The following TRIO variants were observed in gnomAD, a reference collection of about 807,000 sequenced individuals.
The protein encoded by TRIO is triple functional domain protein.
A neutral mutation model predicts 351.9 loss-of-function variants in TRIO; 58 were observed. The observed-to-expected ratio is 0.16, with a 90% CI of 0.13 to 0.21. The LOEUF (loss-of-function observed/expected upper bound fraction) is 0.21. Among genes scored for constraint, TRIO ranks in the 10% least tolerant of loss-of-function variants. The pLI, the probability that TRIO is intolerant of heterozygous loss-of-function variation, is 1.00. For missense variants in TRIO, 3,201 were observed against 4,027.8 expected, an observed-to-expected ratio of 0.79 and a Z score of 5.56; for synonymous variants, 1,758 against 1,595.7, an observed-to-expected ratio of 1.10 and a Z score of -2.42.
chr5:14,451,549 C>T (rs1466279435), intron 34 of TRIO, among the ~76,000 whole-genome samples: 2 of 152,234 alleles, frequency 1.3e-5, no homozygotes, highest in Admixed American at 6.5e-5. Flanking sequence ...GAAGAACTTC[C>T]TGAATAAAAA....
chr5:14,469,083 T>C (rs1461661122), intron 37 of TRIO, among the ~76,000 whole-genome samples: 1 of 151,920 alleles, frequency 6.6e-6, no homozygotes, highest in Non-Finnish European at 1.5e-5. Context: ...AATCAAAATA[T>C]AAAGGGAGAA....
chr5:14,369,415 A>G lies in TRIO; in HGVS notation c.3108A>G (p.Arg1036=), dbSNP rs139527871. 25 of 1,614,026 alleles carry G rather than the reference A, an allele frequency of 1.5e-5. No homozygotes were observed. In the East Asian group the frequency reaches 2.0e-4, roughly 13 times the overall value. The change falls in exon 18 of 57, where the codon AGA becomes AGG. Residue 1036 remains arginine, a synonymous_variant. Coordinates refer to ENST00000344204, the MANE Select transcript of TRIO (RefSeq NM_007118.4). ...VLESLEQEYK[R]EEDWCGGADK... ...AGAGCCTGGAACAGGAGTACAAGAG[A>G]GAAGAAGACTGGTGTGGCGGGGCGG...
intron 34 of TRIO, among the ~76,000 whole-genome samples, chr5:14,460,701 C>T (rs1470938873): frequency 6.6e-6 from 1 of 152,146 alleles, no homozygotes; most frequent in East Asian, 1.9e-4. Context: ...CCAATGTCCA[C>T]AGTATTTTAT....
chr5:14,484,338 A>G (rs1213406819), intron 46 of TRIO, among the ~76,000 whole-genome samples: 1 of 152,234 alleles, frequency 6.6e-6, no homozygotes, highest in Admixed American at 6.5e-5. Flanking sequence ...AAGTAAGGAT[A>G]AATACTGAGG....
chr5:14,391,226 A>G (rs969346495), intron 27 of TRIO, among the ~76,000 whole-genome samples: 3 of 152,174 alleles, frequency 2.0e-5, no homozygotes, highest in South Asian at 2.1e-4. Flanking sequence ...ATTGTAATAT[A>G]TAGATGTATG....
chr5:14,409,586 G>A (rs1379568368), intron 33 of TRIO, among the ~76,000 whole-genome samples: 1 of 152,056 alleles, frequency 6.6e-6, no homozygotes, highest in Non-Finnish European at 1.5e-5. Flanking sequence ...TGTAATCCCA[G>A]CACTTAGGGA....
Position 14,374,214 on chromosome 5 carries a change from T to C in TRIO, c.3217-15T>C. 1 of 1,609,164 alleles carries C rather than the reference T, an allele frequency of 6.2e-7. No individual in the cohort carries two copies. On this transcript the variant is annotated splice_polypyrimidine_tract_variant and intron_variant, in intron 18 of 56. Coordinates refer to ENST00000344204, the MANE Select transcript of TRIO (RefSeq NM_007118.4). ...AAGTCAAATTAGCAACACATTGCTC[T>C]CCATTGTTTTTTAGGCTTGCACCCT... is the stretch of plus-strand genomic sequence containing the variant.
chr5:14,481,196 T>C (rs377501845), intron 43 of TRIO, 38 bp from the exon 44 acceptor site: 42 of 1,593,082 alleles, frequency 2.6e-5, no homozygotes, highest in Non-Finnish European at 3.5e-5. Flanking sequence ...GCTGTTGTCT[T>C]TGTCACCATT....
chr5:14,359,593 C>G, intron 13 of TRIO, 62 bp downstream of exon 13: 1 of 1,574,338 alleles, frequency 6.4e-7, no homozygotes, highest in Non-Finnish European at 8.7e-7. Flanking sequence ...TCCACAGCAC[C>G]GGCGCCCTCT....
At chr5:14,449,205 C>T (rs541882773) in intron 34 of TRIO, among the ~76,000 whole-genome samples, 1 of 152,328 alleles carries the variant, frequency 6.6e-6, no homozygotes, top group African/African-American at 2.4e-5. Context: ...GCCTGGTTCA[C>T]CCCATCTCAC....
chr5:14,388,370 T>C (rs969129134), intron 23 of TRIO, among the ~76,000 whole-genome samples: 1 of 152,204 alleles, frequency 6.6e-6, no homozygotes, highest in Admixed American at 6.5e-5. Context: ...TGGCCCCAGA[T>C]GTCCACAGTG....
chr5:14,492,801 G>A lies in TRIO; in HGVS notation c.7867G>A (p.Asp2623Asn), dbSNP rs748973838. The change falls in exon 49 of 57, where the codon GAC (aspartate) becomes AAC (asparagine). Residue 2623 changes from aspartate (D) to asparagine (N), a missense_variant. Physicochemically the swap from Asp to Asn is conservative, Grantham distance 23. This residue lies in a region of TRIO where 1,089 missense variants were observed against 954.9 expected (regional missense o/e 1.14). Transcript: ENST00000344204. ...HTSAVIVENP[D>N]GTLKKSTSWH... Reference sequence around the variant, plus strand: ...CAGTGCAGTCATCGTGGAGAACCCGGACGGGACTCTCAAGTGAGTGCTTGA... The same window carrying A: ...CAGTGCAGTCATCGTGGAGAACCCGAACGGGACTCTCAAGTGAGTGCTTGA... 1 of 1,613,810 alleles carries A rather than the reference G, an allele frequency of 6.2e-7. No individual in the cohort carries two copies. Among genetic ancestry groups the A allele is most frequent in the East Asian group, 2.2e-5 (1 of 44,858 alleles).
intron 48 of TRIO, chr5:14,490,671 G>T (rs1756416105): frequency 2.5e-6 from 1 of 394,688 alleles, no homozygotes; most frequent in South Asian, 1.8e-5. Flanking sequence ...CCACTGGTGG[G>T]TTGGTGGTGA....
intron 41 of TRIO, among the ~76,000 whole-genome samples, chr5:14,477,536 T>C (rs796136922): frequency 2.5e-4 from 38 of 152,346 alleles, no homozygotes; most frequent in African/African-American, 9.1e-4. Context: ...CACACACATA[T>C]AGTTAGAAAA....
intron 11 of TRIO, among the ~76,000 whole-genome samples, chr5:14,349,835 A>G (rs1742883968): frequency 2.0e-5 from 3 of 152,324 alleles, no homozygotes; most frequent in Admixed American, 6.5e-5. Flanking sequence ...GGTACTAAGC[A>G]TAGTACCCAA....
intron 15 of TRIO, among the ~76,000 whole-genome samples, chr5:14,365,939 T>A (rs2152342092): frequency 6.6e-6 from 1 of 152,272 alleles, no homozygotes. Context: ...AGAAATATTT[T>A]CACAAACTTC....
intron 13 of TRIO, among the ~76,000 whole-genome samples, chr5:14,362,783 GC>G: frequency 6.6e-6 from 1 of 152,232 alleles, no homozygotes; most frequent in East Asian, 1.9e-4. Context: ...ATTATGCTGA[GC>G]CTTCTGTGGT....
chr5:14,297,095 C>T lies in TRIO; in HGVS notation c.1200C>T (p.Arg400=), dbSNP rs746674667. 1 of 1,613,620 alleles carries T rather than the reference C, an allele frequency of 6.2e-7. No individual in the cohort carries two copies. ...AGAACGTGTATGTAAATATAAACCGCATCATGTCGGTGGCCAATCGTCTGG... is the reference window on the plus strand; with the variant it reads ...AGAACGTGTATGTAAATATAAACCGTATCATGTCGGTGGCCAATCGTCTGG... ...NCMNVYVNIN[R]IMSVANRLVE... is the part of the protein sequence containing the mutation. Residue 400 remains arginine, a synonymous_variant, in exon 7 of 57, where the codon CGC becomes CGT. Coordinates refer to ENST00000344204, the MANE Select transcript of TRIO (RefSeq NM_007118.4).
In TRIO at chr5:14,388,604, C is replaced by G. The variant is rs1396728719; in HGVS notation, c.3882-9C>G. The G allele has an allele frequency of 6.2e-7, 1 of 1,611,858 alleles. No homozygotes were observed. The highest frequency in any genetic ancestry group is 8.5e-7 in the Non-Finnish European group (1 of 1,179,462). ...TGACTGTACTCCTCACTGTCTTCCT[C>G]TCTTTAAGGTTCATAATGGCTGAGC... On this transcript the variant is annotated splice_polypyrimidine_tract_variant and intron_variant, in intron 23 of 56. Transcript: ENST00000344204.
Sources: gnomAD v4.1 joint callset for allele counts (sites outside exome capture counted in the v4.1 genomes callset) on GRCh38, gnomAD v4.1.1 for gene constraint, gnomAD v4.1.1 regional missense constraint, MANE v1.5 for transcripts, NCBI Gene and HGNC (gene_info 2026-07-23, HGNC 2026-07-21) for gene names.